MYZAP: variants seen among roughly 807,000 people sequenced by gnomAD.
MYZAP encodes GRINL1A complex locus upstream.
A neutral mutation model predicts 69.4 loss-of-function variants in MYZAP; 66 were observed. The observed-to-expected ratio is 0.95, with a 90% CI of 0.78 to 1.17. MYZAP has a LOEUF of 1.17. Among genes scored for constraint, MYZAP ranks in the 50% most tolerant of loss-of-function variants. The pLI is 0.00. For synonymous variants in MYZAP, 256 were observed against 205.9 expected, an observed-to-expected ratio of 1.24 and a Z score of -2.09; for missense variants, 611 against 556.2, an observed-to-expected ratio of 1.10 and a Z score of -0.99.
chr15:57,650,358 C>G (rs576911085), intron 10 of MYZAP, among the ~76,000 whole-genome samples: 1 of 152,248 alleles, frequency 6.6e-6, no homozygotes, highest in South Asian at 2.1e-4. Flanking sequence ...TAAGAAGAGC[C>G]TCTTATGAGC....
intron 10 of MYZAP, among the ~76,000 whole-genome samples, chr15:57,657,699 G>A (rs1284167452): frequency 6.6e-6 from 1 of 152,076 alleles, no homozygotes; most frequent in Non-Finnish European, 1.5e-5. Context: ...ATAAATAATG[G>A]GAGCAAGAAC....
intron 10 of MYZAP, among the ~76,000 whole-genome samples, chr15:57,645,663 C>T (rs1489878044): frequency 2.0e-5 from 3 of 152,096 alleles, no homozygotes; most frequent in South Asian, 2.1e-4. Context: ...TAAATGGGTT[C>T]GGCTGTGTAT....
chr15:57,646,290 A>C (rs2037443400), intron 10 of MYZAP: 2 of 1,262,588 alleles, frequency 1.6e-6, no homozygotes, highest in African/African-American at 3.1e-5. Context: ...GTATTTATCT[A>C]TGATGAGCCA....
chr15:57,624,988 G>T (rs1406898526), intron 4 of MYZAP, among the ~76,000 whole-genome samples: 1 of 151,650 alleles, frequency 6.6e-6, no homozygotes, highest in Non-Finnish European at 1.5e-5. Context: ...AATGGCTTCT[G>T]ACTCAGACAT....
At chr15:57,641,094 G>A (rs1001684437) in intron 10 of MYZAP, among the ~76,000 whole-genome samples, 13 of 152,126 alleles carry the variant, frequency 8.5e-5, no homozygotes, top group African/African-American at 2.4e-4. Context: ...GTCTCTAACT[G>A]TGAGCACTAC....
Position 57,622,371 on chromosome 15 carries a change from A to G in MYZAP, c.411+671A>G, listed in dbSNP as rs867884432. 3.9e-5 allele frequency among the ~76,000 whole-genome samples: 6 copies of G among 152,314 alleles called. No homozygotes were observed. In the East Asian group the frequency reaches 9.6e-4, roughly 24 times the overall value. On this transcript the variant is annotated intron_variant, in intron 4 of 12. Coordinates refer to ENST00000267853, the MANE Select transcript of MYZAP (RefSeq NM_001018100.5). The stretch of plus-strand genomic sequence containing the variant: ...TACTGTACCATTTTAATATGACCCA[A>G]TAAAAAGACCAACAGGTTTTGTTTT...
intron 1 of MYZAP, among the ~76,000 whole-genome samples, chr15:57,602,914 C>T (rs975813483): frequency 2.6e-5 from 4 of 152,146 alleles, no homozygotes; most frequent in African/African-American, 9.7e-5. Context: ...TTATTGTCCC[C>T]TCGTACTACA....
At chr15:57,655,698 C>T (rs189716423) in intron 10 of MYZAP, among the ~76,000 whole-genome samples, 247 of 152,328 alleles carry the variant, frequency 1.6e-3, no homozygotes, top group East Asian at 1.5e-3. Flanking sequence ...AGACTAACAT[C>T]CTGCATGATT....
At chr15:57,628,449 T>C (rs1258466410) in intron 5 of MYZAP, among the ~76,000 whole-genome samples, 1 of 151,978 alleles carries the variant, frequency 6.6e-6, no homozygotes, top group East Asian at 1.9e-4. Context: ...TTTAAATTTT[T>C]TTTGTAGTTG....
chr15:57,684,262 A>T (rs2039582576), intron 12 of MYZAP, 140 bp from the exon 13 acceptor site: 4 of 627,098 alleles, frequency 6.4e-6, no homozygotes. Context: ...TGTAATATTT[A>T]AGTGAAATAT....
At chr15:57,646,127 C>G in intron 10 of MYZAP, 1 of 1,288,766 alleles carries the variant, frequency 7.8e-7, no homozygotes, top group Non-Finnish European at 1.0e-6. Context: ...CTCAATTGAA[C>G]TGTCTCCAGA....
intron 4 of MYZAP, among the ~76,000 whole-genome samples, chr15:57,624,470 A>G (rs117786535): frequency 0.015 from 2,251 of 152,306 alleles, 30 homozygotes; most frequent in South Asian, 0.045. Context: ...ATGGGGCTGT[A>G]TAAACATATC....
intron 12 of MYZAP, among the ~76,000 whole-genome samples, chr15:57,679,265 G>T (rs552355922): frequency 3.3e-4 from 50 of 151,876 alleles, no homozygotes; most frequent in Non-Finnish European, 6.2e-4. Context: ...ATAGGCAGGT[G>T]ATCAGTATTA....
chr15:57,632,872 C>T lies in MYZAP; in HGVS notation c.804+313C>T, dbSNP rs930221818. Among the ~76,000 whole-genome samples, 4 of 152,192 alleles carry T rather than the reference C, an allele frequency of 2.6e-5. No homozygotes were observed. In the South Asian group the frequency reaches 8.3e-4, roughly 32 times the overall value. The stretch of plus-strand genomic sequence containing the variant: ...CCCGCAGCTGTGCCCTCCCTCCCTC[C>T]ATTTGGTTCTCTCTACCTGAAATTT... On this transcript the variant is annotated intron_variant, in intron 7 of 12. Transcript: ENST00000267853.
intron 2 of MYZAP, among the ~76,000 whole-genome samples, chr15:57,610,212 T>TGA (rs1445128942): frequency 3.9e-5 from 6 of 152,000 alleles, no homozygotes; most frequent in East Asian, 1.9e-4. Flanking sequence ...GAATGCTGAG[T>TGA]GAGAGAGAGA....
At chr15:57,647,803 G>A in intron 10 of MYZAP, 1 of 985,358 alleles carries the variant, frequency 1.0e-6, no homozygotes, top group Non-Finnish European at 1.2e-6. Flanking sequence ...TGCATTGCAG[G>A]ACCTACCTCA....
intron 10 of MYZAP, among the ~76,000 whole-genome samples, chr15:57,650,456 T>C (rs931566715): frequency 1.3e-5 from 2 of 152,208 alleles, no homozygotes; most frequent in African/African-American, 4.8e-5. Flanking sequence ...CAGAATGTCA[T>C]AGGTGCTGGA....
intron 10 of MYZAP, among the ~76,000 whole-genome samples, chr15:57,641,837 G>A (rs771178778): frequency 2.3e-4 from 35 of 152,216 alleles, no homozygotes; most frequent in Non-Finnish European, 4.7e-4. Flanking sequence ...ATGGTCAAGG[G>A]GCATGGACAG....
chr15:57,617,912 A>T (rs137949205), intron 2 of MYZAP, 121 bp from the exon 3 acceptor site: 16,347 of 1,335,396 alleles, frequency 0.012, 181 homozygotes, highest in South Asian at 0.043. Flanking sequence ...CTCCATCTCC[A>T]CTGCCAGGCA....
Sources: allele counts gnomAD v4.1 joint callset (sites outside exome capture counted in the v4.1 genomes callset), GRCh38; gene constraint gnomAD v4.1.1; transcripts MANE v1.5; gene names NCBI Gene and HGNC (gene_info 2026-07-23, HGNC 2026-07-21).